CAMKMT: variants seen among roughly 807,000 people sequenced by gnomAD.
CAMKMT encodes the protein CaM KMT.
CAMKMT carries 53 observed loss-of-function variants against 48.0 expected under a neutral mutation model. That is an observed-to-expected ratio of 1.10 (90% confidence interval 0.89 to 1.39). CAMKMT has a LOEUF of 1.39. Among genes scored for constraint, CAMKMT ranks in the 40% most tolerant of loss-of-function variants. The pLI, the probability that CAMKMT is intolerant of heterozygous loss-of-function variation, is 0.00. For synonymous variants in CAMKMT, 165 were observed against 152.3 expected, an observed-to-expected ratio of 1.08 and a Z score of -0.61; for missense variants, 428 against 402.7, an observed-to-expected ratio of 1.06 and a Z score of -0.54.
At chr2:44,636,615 A>G (rs1262204062) in intron 3 of CAMKMT, among the ~76,000 whole-genome samples, 1 of 152,174 alleles carries the variant, frequency 6.6e-6, no homozygotes, top group Non-Finnish European at 1.5e-5. Flanking sequence ...TTATTTCTGA[A>G]CTTCCAACGG....
chr2:44,692,687 G>T (rs1676729585), intron 3 of CAMKMT, among the ~76,000 whole-genome samples: 5 of 144,978 alleles, frequency 3.4e-5, no homozygotes. Flanking sequence ...TATTCAAGCT[G>T]CACTGTAACT....
At chr2:44,460,875 A>C (rs1667814108) in intron 3 of CAMKMT, among the ~76,000 whole-genome samples, 1 of 151,930 alleles carries the variant, frequency 6.6e-6, no homozygotes, top group African/African-American at 2.4e-5. Flanking sequence ...GGCGCATACC[A>C]CCACACCCAG....
chr2:44,389,716 G>A (rs549856307), intron 2 of CAMKMT, among the ~76,000 whole-genome samples: 1 of 152,172 alleles, frequency 6.6e-6, no homozygotes, highest in Non-Finnish European at 1.5e-5. Context: ...AGAATTAAAG[G>A]CATTAGAATT....
At chr2:44,465,240 A>G (rs184892395) in intron 3 of CAMKMT, among the ~76,000 whole-genome samples, 1 of 152,280 alleles carries the variant, frequency 6.6e-6, no homozygotes, top group African/African-American at 2.4e-5. Flanking sequence ...GTAACCACAA[A>G]GAAAATACCT....
intron 3 of CAMKMT, among the ~76,000 whole-genome samples, chr2:44,489,229 G>A (rs1467654687): frequency 7.0e-6 from 1 of 142,576 alleles, no homozygotes. Context: ...ATATTTATTT[G>A]TTCATGGAAT....
chr2:44,442,651 A>G (rs1309254932), intron 3 of CAMKMT, among the ~76,000 whole-genome samples: 2 of 152,184 alleles, frequency 1.3e-5, no homozygotes, highest in Admixed American at 6.5e-5. Flanking sequence ...TGATGTTTCT[A>G]AATACAATTG....
At chr2:44,758,824 T>C (rs1041307582) in intron 9 of CAMKMT, among the ~76,000 whole-genome samples, 2 of 152,228 alleles carry the variant, frequency 1.3e-5, no homozygotes, top group African/African-American at 2.4e-5. Context: ...AGTTGAACTT[T>C]CGTCCAGAAA....
chr2:44,523,895 A>C (rs1327578703), intron 3 of CAMKMT, among the ~76,000 whole-genome samples: 1 of 147,916 alleles, frequency 6.8e-6, no homozygotes, highest in East Asian at 2.0e-4. Flanking sequence ...CTCCTGCCTC[A>C]GCCTCTTGAG....
chr2:44,642,352 G>GAAA (rs1337224217), intron 3 of CAMKMT, among the ~76,000 whole-genome samples: 1 of 152,178 alleles, frequency 6.6e-6, no homozygotes, highest in African/African-American at 2.4e-5. Context: ...AAGAAATAAA[G>GAAA]TGCCCTCTGA....
rs147263567 is a variant in CAMKMT, at chr2:44,421,451, T to G, written c.376+31146T>G. On this transcript the variant is annotated intron_variant, in intron 3 of 10. Transcript: ENST00000378494. ...ATGTATAAATACAATTATCCTTTAATAAATAAACATATCTTCAAATTTTCT... is the reference window on the plus strand; with the variant it reads ...ATGTATAAATACAATTATCCTTTAAGAAATAAACATATCTTCAAATTTTCT... Among the ~76,000 whole-genome samples, 699 of 152,250 alleles carry G rather than the reference T, an allele frequency of 4.6e-3. 10 individuals carry two copies. The Middle Eastern group carries it at 0.051, about 11-fold the overall frequency.
intron 10 of CAMKMT, among the ~76,000 whole-genome samples, chr2:44,770,498 TGCA>T (rs1681059249): frequency 6.6e-6 from 1 of 152,236 alleles, no homozygotes; most frequent in Non-Finnish European, 1.5e-5. Flanking sequence ...TGTATATTAG[TGCA>T]TTGTGAGTGA....
At chr2:44,519,035 C>G (rs185139680) in intron 3 of CAMKMT, among the ~76,000 whole-genome samples, 4 of 152,326 alleles carry the variant, frequency 2.6e-5, no homozygotes, top group Non-Finnish European at 5.9e-5. Flanking sequence ...TACTAACCTG[C>G]TTTTAGACCA....
At chr2:44,568,265 T>A (rs115565051) in intron 3 of CAMKMT, among the ~76,000 whole-genome samples, 4,237 of 152,296 alleles carry the variant, frequency 0.028, 186 homozygotes, top group African/African-American at 0.096. Context: ...CCTACTTTCA[T>A]CAGTGCATTT....
At chr2:44,725,979 T>C (rs1376269523) in intron 7 of CAMKMT, among the ~76,000 whole-genome samples, 13 of 152,200 alleles carry the variant, frequency 8.5e-5, no homozygotes, top group African/African-American at 2.7e-4. Flanking sequence ...AGGTAGTTTT[T>C]TAAAACTGCC....
Position 44,723,603 on chromosome 2 carries a change from CATACATAAATAAATAAATAA to C in CAMKMT, c.623+8254_623+8273del, listed in dbSNP as rs1233599211. 1.6e-4 allele frequency: 13 copies of C among 82,898 alleles called. No homozygotes were observed. The East Asian group carries it at 2.3e-3, about 15-fold the overall frequency. 5.1% of individuals were successfully genotyped at this position (82,898 alleles called of 1,614,324 possible). A position where few individuals can be genotyped will look rare whatever the true frequency, so the allele number is the denominator to read the frequency against. On this transcript the variant is annotated intron_variant, in intron 7 of 10. Transcript: ENST00000378494. ...AAGTCCATCTCAAAATAAATAAATACATACATAAATAAATAAATAAATAAATAAATAAATAAATAAATAAA... is the reference window on the plus strand; with the variant it reads ...AAGTCCATCTCAAAATAAATAAATACATAAATAAATAAATAAATAAATAAA...
At chr2:44,576,883 C>T (rs1222487445) in intron 3 of CAMKMT, among the ~76,000 whole-genome samples, 1 of 152,182 alleles carries the variant, frequency 6.6e-6, no homozygotes, top group Non-Finnish European at 1.5e-5. Flanking sequence ...AACAAAAATA[C>T]TGCAAGGAAT....
At chr2:44,445,827 A>G (rs1666964135) in intron 3 of CAMKMT, among the ~76,000 whole-genome samples, 1 of 151,668 alleles carries the variant, frequency 6.6e-6, no homozygotes, top group Non-Finnish European at 1.5e-5. Context: ...GTCTCTTCTT[A>G]CTTTCAGACC....
At chr2:44,534,201 C>T (rs187427568) in intron 3 of CAMKMT, among the ~76,000 whole-genome samples, 2 of 152,282 alleles carry the variant, frequency 1.3e-5, no homozygotes, top group African/African-American at 4.8e-5. Context: ...GCACCCAACA[C>T]TGGAGCACCC....
At chr2:44,663,234 A>T (rs1346860667) in intron 3 of CAMKMT, among the ~76,000 whole-genome samples, 1 of 152,196 alleles carries the variant, frequency 6.6e-6, no homozygotes, top group Non-Finnish European at 1.5e-5. Context: ...GAGGGTTTCC[A>T]GGTCCAGAAT....
Sources: gnomAD v4.1 joint callset for allele counts (sites outside exome capture counted in the v4.1 genomes callset) on GRCh38, gnomAD v4.1.1 for gene constraint, MANE v1.5 for transcripts, NCBI Gene and HGNC (gene_info 2026-07-23, HGNC 2026-07-21) for gene names.